The following MIER2 variants were observed in gnomAD, a reference collection of about 807,000 sequenced individuals.
The protein encoded by MIER2 is mesoderm induction early response protein 2.
A neutral mutation model predicts 67.6 loss-of-function variants in MIER2; 30 were observed. That is an observed-to-expected ratio of 0.44 (90% CI 0.33 to 0.60). The LOEUF (loss-of-function observed/expected upper bound fraction) is 0.60. Ranked by LOEUF, MIER2 falls within the 20% of genes least tolerant of loss-of-function variation. MIER2 has a pLI of 0.02. For missense variants in MIER2, 702 were observed against 745.1 expected (o/e 0.94, Z 0.67); for synonymous variants, 372 against 312.6 (o/e 1.19, Z -2.00).
At chr19:324,741 G>A (rs529551248) in intron 7 of MIER2, among the ~76,000 whole-genome samples, 116 of 152,338 alleles carry the variant, frequency 7.6e-4, no homozygotes, top group Non-Finnish European at 1.3e-3. Context: ...CCCATGGGAC[G>A]AAGAAGTCCT....
At position 309,521 on chromosome 19, in the gene MIER2, G is replaced by A. The variant is rs1970824244; in HGVS notation, c.985-596C>T. On this transcript the variant is annotated intron_variant, in intron 10 of 13. Coordinates refer to ENST00000264819, the MANE Select transcript of MIER2 (RefSeq NM_017550.3). The stretch of plus-strand genomic sequence containing the variant: ...TGAACCCGACAAAATTCCCAACGTA[G>A]CACATAAAGGGCCAAACACACATGC... Among the ~76,000 whole-genome samples, 4 of 152,016 alleles carry A rather than the reference G, an allele frequency of 2.6e-5. 2 individuals carry two copies. Among genetic ancestry groups the A allele is most frequent in the African/African-American group, 9.7e-5 (4 of 41,338 alleles).
chr19:314,472 C>T (rs919446799), intron 7 of MIER2, among the ~76,000 whole-genome samples: 1 of 152,170 alleles, frequency 6.6e-6, no homozygotes, highest in Non-Finnish European at 1.5e-5. Context: ...CAAAGCAAAC[C>T]AACAAATAAA....
chr19:307,022 T>C, intron 13 of MIER2, 97 bp downstream of exon 13: 1 of 1,403,308 alleles, frequency 7.1e-7, no homozygotes, highest in South Asian at 1.4e-5. Context: ...CCTCGGGTCC[T>C]TGGGGCAAAT....
intron 3 of MIER2, among the ~76,000 whole-genome samples, chr19:330,595 A>T (rs961066999): frequency 1.3e-5 from 2 of 151,612 alleles, no homozygotes; most frequent in African/African-American, 4.8e-5. Context: ...GCTGGTGGTG[A>T]TATCAACTGT....
At chr19:316,558 C>T (rs943954689) in intron 7 of MIER2, among the ~76,000 whole-genome samples, 2 of 152,088 alleles carry the variant, frequency 1.3e-5, no homozygotes, top group Non-Finnish European at 2.9e-5. Flanking sequence ...CCAAAGTGCT[C>T]GGATTATAGG....
At chr19:309,053 A>C in intron 10 of MIER2, 128 bp from the exon 11 acceptor site, 1 of 1,339,238 alleles carries the variant, frequency 7.5e-7, no homozygotes, top group South Asian at 1.4e-5. Flanking sequence ...ACTCTCAGAT[A>C]ACGCAAGACC....
At chr19:324,934 C>A (rs1033060163) in intron 7 of MIER2, among the ~76,000 whole-genome samples, 1 of 152,232 alleles carries the variant, frequency 6.6e-6, no homozygotes, top group African/African-American at 2.4e-5. Context: ...ACACGGGGCA[C>A]CCCCGACCAG....
At chr19:312,335 C>A in intron 8 of MIER2, 63 bp from the exon 9 acceptor site, 1 of 1,533,960 alleles carries the variant, frequency 6.5e-7, no homozygotes, top group Non-Finnish European at 9.0e-7. Flanking sequence ...CAAGAACTGT[C>A]TATACCATCC....
intron 7 of MIER2, among the ~76,000 whole-genome samples, chr19:315,490 C>T (rs761669012): frequency 6.6e-6 from 1 of 152,210 alleles, no homozygotes; most frequent in Non-Finnish European, 1.5e-5. Flanking sequence ...ATGGACAAAA[C>T]GCCGGAGAGT....
At chr19:314,385 G>A (rs1395387643) in intron 7 of MIER2, among the ~76,000 whole-genome samples, 1 of 152,238 alleles carries the variant, frequency 6.6e-6, no homozygotes, top group Non-Finnish European at 1.5e-5. Flanking sequence ...AGGCAGGGGA[G>A]AGCTCAGGGC....
At chr19:307,573 C>T in intron 12 of MIER2, 37 bp from the exon 13 acceptor site, 1 of 1,472,818 alleles carries the variant, frequency 6.8e-7, no homozygotes, top group Non-Finnish European at 8.9e-7. Flanking sequence ...GGGGCCTGCC[C>T]ACAGCCGCGG....
chr19:313,537 G>A lies in MIER2; in HGVS notation c.762C>T (p.Ala254=), dbSNP rs147703019. ...CTTCTCCCTCTGGGAGCTGAGGCCC[G>A]GCCATCTCGTGCCAACGCCGCTTCA... The part of the protein sequence containing the change: ...RAVKRRWHEM[A]GPQLPEGEAV... Residue 254 remains alanine, a synonymous_variant, in exon 8 of 14, where the codon GCC becomes GCT. Transcript: ENST00000264819. 154 of 1,612,938 alleles carry A rather than the reference G, an allele frequency of 9.5e-5. No individual in the cohort carries two copies. The Admixed American group carries it at 1.1e-3, about 11-fold the overall frequency.
chr19:311,911 C>T lies in MIER2; in HGVS notation c.918G>A (p.Glu306=), dbSNP rs117010939. The stretch of plus-strand genomic sequence containing the variant: ...GGAAGCCGTGCTCAAAGTTCCTGCA[C>T]TCCTCTTCACTCCAAGCACAGAGCC... The part of the protein sequence containing the change: ...RDGLCAWSEE[E]CRNFEHGFRV... Residue 306 remains glutamate (E), a synonymous_variant, in exon 10 of 14, where the codon GAG becomes GAA. Transcript: ENST00000264819. 2.5e-3 allele frequency: 3,986 copies of T among 1,614,066 alleles called. 8 individuals are homozygous for T. Among genetic ancestry groups the T allele is most frequent in the Admixed American group, 3.1e-3 (187 of 60,022 alleles).
intron 7 of MIER2, among the ~76,000 whole-genome samples, chr19:318,590 C>T (rs1250868712): frequency 2.0e-5 from 3 of 152,162 alleles, no homozygotes; most frequent in Non-Finnish European, 4.4e-5. Flanking sequence ...TCCAGCGGAT[C>T]CAAGGGAATA....
chr19:323,171 GAC>G (rs1020563764), intron 7 of MIER2, among the ~76,000 whole-genome samples: 3 of 147,698 alleles, frequency 2.0e-5, no homozygotes, highest in Admixed American at 6.8e-5. Flanking sequence ...TGACTCAAAT[GAC>G]ACAGACGTCA....
chr19:324,204 C>G lies in MIER2; in HGVS notation c.655+1431G>C, dbSNP rs564494894. On this transcript the variant is annotated intron_variant, in intron 7 of 13. Transcript: ENST00000264819. ...GACACACACAACCACGCAGACGACT[C>G]GAATGACACAGACGTCATCACAATG... is the stretch of plus-strand genomic sequence containing the variant. Among the ~76,000 whole-genome samples, 4 of 142,556 alleles carry G rather than the reference C, an allele frequency of 2.8e-5. No homozygotes were observed. In the East Asian group the frequency reaches 6.0e-4, roughly 21 times the overall value. 93.5% of individuals were successfully genotyped at this position (142,556 alleles called of 152,430 possible). A position where few individuals can be genotyped will look rare whatever the true frequency, so the allele number is the denominator to read the frequency against.
intron 10 of MIER2, among the ~76,000 whole-genome samples, chr19:311,121 A>C (rs1970981765): frequency 6.6e-6 from 1 of 152,248 alleles, no homozygotes; most frequent in Admixed American, 6.5e-5. Context: ...GCACGGTCCC[A>C]GGACACGAGG....
chr19:312,048 G>A, intron 9 of MIER2, 109 bp from the exon 10 acceptor site: 3 of 1,232,004 alleles, frequency 2.4e-6, no homozygotes, highest in South Asian at 1.5e-5. Flanking sequence ...CGGGGCCGCA[G>A]CGGAAGGAAG....
At chr19:310,671 CAGAAACACAGCCCAGAGCTAT>C (rs1361320983) in intron 10 of MIER2, among the ~76,000 whole-genome samples, 1 of 53,994 alleles carries the variant, frequency 1.9e-5, no homozygotes, top group Admixed American at 1.9e-4. Flanking sequence ...CCCGAAGCTC[CAGAAACACAGCCCAGAGCTAT>C]AGAAACACGG....
Sources: allele counts gnomAD v4.1 joint callset (sites outside exome capture counted in the v4.1 genomes callset), GRCh38; gene constraint gnomAD v4.1.1; transcripts MANE v1.5; gene names NCBI Gene and HGNC (gene_info 2026-07-23, HGNC 2026-07-21).